Variants in RBBP4 observed in about 807,000 individuals in gnomAD.
RBBP4 encodes histone-binding protein RBBP4.
Under a neutral mutation model 57.2 loss-of-function variants are expected in RBBP4, and 3 were observed. The ratio of observed to expected loss-of-function variants is 0.05; its 90% CI spans 0.02 to 0.14. The LOEUF (loss-of-function observed/expected upper bound fraction) is 0.14. Ranked by LOEUF, RBBP4 falls within the 10% of genes least tolerant of loss-of-function variation. The pLI is 1.00. For synonymous variants in RBBP4, 151 were observed against 171.5 expected (o/e 0.88, Z 0.93); for missense variants, 107 against 520.6 (o/e 0.21, Z 7.73).
rs1649774857 is a variant in RBBP4 at position 32,685,678 on chromosome 1, C to G, written c.*5973C>G. 6.6e-6 allele frequency: 1 copy of G among 152,192 alleles called. No individual in the cohort carries two copies. Among genetic ancestry groups the G allele is most frequent in the South Asian group, 2.1e-4 (1 of 4,832 alleles). The allele number at this position is 152,192 out of a possible 1,614,324, so 9.4% of individuals were successfully genotyped here. The stretch of plus-strand genomic sequence containing the variant: ...AGAGTGTGTCATCTGAAGAGGGAAG[C>G]ATCTGCATACTGCTGTCCTGATTGC... On this transcript the variant is annotated 3_prime_UTR_variant, in exon 12 of 12. Transcript: ENST00000373493.
chr1:32,652,148 C>A, intron 2 of RBBP4, 87 bp downstream of exon 2: 1 of 1,440,018 alleles, frequency 6.9e-7, no homozygotes, highest in Non-Finnish European at 9.4e-7. Flanking sequence ...CTTCAGTCAC[C>A]CGGAGAAGGC....
chr1:32,676,752 T>A (rs545143371), intron 11 of RBBP4, among the ~76,000 whole-genome samples: 1 of 152,178 alleles, frequency 6.6e-6, no homozygotes, highest in South Asian at 2.1e-4. Flanking sequence ...TTCACCTCAC[T>A]CTCTTTGTAA....
Position 32,672,567 on chromosome 1 carries a change from CTTTA to C in RBBP4, c.1043+46_1043+49del, listed in dbSNP as rs757196564. The C allele has an allele frequency of 5.3e-5, 84 of 1,595,666 alleles. No individual in the cohort carries two copies. In the Middle Eastern group the frequency reaches 1.2e-3, roughly 22 times the overall value. ...ATTCCTCTCTCTACATAATTATTTCCTTTATTTACACTTTGCAAAGGTAGTTACT... is the reference window on the plus strand; with the variant it reads ...ATTCCTCTCTCTACATAATTATTTCCTTTACACTTTGCAAAGGTAGTTACT... On this transcript the variant is annotated intron_variant, in intron 9 of 11. Coordinates refer to ENST00000373493, the MANE Select transcript of RBBP4 (RefSeq NM_005610.3).
intron 9 of RBBP4, 57 bp from the exon 10 acceptor site, chr1:32,672,585 A>G: frequency 6.3e-7 from 1 of 1,599,856 alleles, no homozygotes; most frequent in African/African-American, 1.3e-5. Context: ...ACACTTTGCA[A>G]AGGTAGTTAC....
chr1:32,684,295 G>C lies in RBBP4; in HGVS notation c.*4590G>C. 6.2e-7 allele frequency: 1 copy of C among 1,614,186 alleles called. No homozygotes were observed. Among genetic ancestry groups the C allele is most frequent in the Non-Finnish European group, 8.5e-7 (1 of 1,180,040 alleles). The stretch of plus-strand genomic sequence containing the variant: ...AGCTCTTCAGCAAGACTGAGCCTTA[G>C]CTGTTCCATCTCTTTGTTCTTCTGT... On this transcript the variant is annotated 3_prime_UTR_variant, in exon 12 of 12. Coordinates refer to ENST00000373493, the MANE Select transcript of RBBP4 (RefSeq NM_005610.3).
At position 32,651,223 on chromosome 1, in the gene RBBP4, CG is replaced by C. The variant is rs1647555572; in HGVS notation, c.-83del. Reference sequence around the variant, plus strand: ...TGGGGGCGCAGGAAACAATAGAGGCCGCGCGCACAGAGCGAGCTCTTGCAGC... The same window carrying C: ...TGGGGGCGCAGGAAACAATAGAGGCCCGCGCACAGAGCGAGCTCTTGCAGC... On this transcript the variant is annotated 5_prime_UTR_variant, in exon 1 of 12. Transcript: ENST00000373493. The C allele has an allele frequency of 1.3e-6, 2 of 1,499,546 alleles. No homozygotes were observed. The highest frequency in any genetic ancestry group is 4.4e-5 in the Admixed American group (2 of 45,664). 92.9% of individuals were successfully genotyped at this position (1,499,546 alleles called of 1,614,324 possible).
At chr1:32,667,047 TAGC>T (rs1488039559) in intron 3 of RBBP4, among the ~76,000 whole-genome samples, 4 of 152,274 alleles carry the variant, frequency 2.6e-5, no homozygotes, top group African/African-American at 4.8e-5. Context: ...ACCCATTACT[TAGC>T]AGACTGTGAA....
In RBBP4 at chr1:32,681,999, C is replaced by T; in HGVS notation, c.*2294C>T. The T allele has an allele frequency of 1.4e-6, 1 of 712,010 alleles. No individual in the cohort carries two copies. Among genetic ancestry groups the T allele is most frequent in the South Asian group, 1.8e-5 (1 of 55,762 alleles). The allele number at this position is 712,010 out of a possible 1,614,324, so 44.1% of individuals were successfully genotyped here. On this transcript the variant is annotated 3_prime_UTR_variant, in exon 12 of 12. Transcript: ENST00000373493. ...TCCCCTAGCAAATATTTGGATGCCT[C>T]CTGTTTGTCAAATAGAATGAATGGT...
At chr1:32,660,918 T>A (rs1648376550) in intron 3 of RBBP4, among the ~76,000 whole-genome samples, 1 of 152,182 alleles carries the variant, frequency 6.6e-6, no homozygotes, top group African/African-American at 2.4e-5. Context: ...CAAGCAGTCC[T>A]CCTGCCTCAG....
chr1:32,651,845 G>T, intron 1 of RBBP4, 69 bp from the exon 2 acceptor site: 1 of 1,505,396 alleles, frequency 6.6e-7, no homozygotes, highest in Non-Finnish European at 9.1e-7. Flanking sequence ...GAGTCATGCA[G>T]GTGGCTTTGC....
At chr1:32,655,265 C>T (rs1648087419) in intron 2 of RBBP4, among the ~76,000 whole-genome samples, 1 of 152,168 alleles carries the variant, frequency 6.6e-6, no homozygotes, top group Non-Finnish European at 1.5e-5. Flanking sequence ...ACATGAGCCA[C>T]CGTGCCTGGC....
intron 3 of RBBP4, among the ~76,000 whole-genome samples, chr1:32,662,727 CTG>C (rs1335207134): frequency 6.6e-6 from 1 of 152,006 alleles, no homozygotes; most frequent in African/African-American, 2.4e-5. Context: ...TGGCTGGCGA[CTG>C]TAATTCCAGC....
At chr1:32,676,925 A>C (rs1415659156) in intron 11 of RBBP4, among the ~76,000 whole-genome samples, 1 of 152,186 alleles carries the variant, frequency 6.6e-6, no homozygotes, top group Non-Finnish European at 1.5e-5. Context: ...CCTGGGTGAC[A>C]GAGCGAGACC....
chr1:32,668,944 T>C (rs1344610112), intron 5 of RBBP4, 28 bp from the exon 6 acceptor site: 1 of 1,613,698 alleles, frequency 6.2e-7, no homozygotes, highest in African/African-American at 1.3e-5. Flanking sequence ...AATCTTCCTT[T>C]TATATAATGG....
intron 3 of RBBP4, among the ~76,000 whole-genome samples, chr1:32,663,288 T>G (rs962830870): frequency 2.0e-5 from 3 of 152,194 alleles, no homozygotes; most frequent in Non-Finnish European, 4.4e-5. Context: ...TACTATATCA[T>G]GTTATACCTC....
Position 32,657,550 on chromosome 1 carries a change from A to G in RBBP4, c.288A>G (p.Ser96=). 1 of 1,614,030 alleles carries G rather than the reference A, an allele frequency of 6.2e-7. No homozygotes were observed. Among genetic ancestry groups the G allele is most frequent in the Non-Finnish European group, 8.5e-7 (1 of 1,179,976 alleles). The change falls in exon 3 of 12, where the codon TCA becomes TCG. Residue 96 remains serine (S), a synonymous_variant. Coordinates refer to ENST00000373493, the MANE Select transcript of RBBP4 (RefSeq NM_005610.3). ...ATGATGATGCTCAGTTTGATGCGTC[A>G]CACTACGACAGTGAGAAAGGAGGTA... ...LPNDDAQFDA[S]HYDSEKGEFG... is the part of the protein sequence containing the mutation.
chr1:32,666,705 C>G (rs1361392874), intron 3 of RBBP4, among the ~76,000 whole-genome samples: 1 of 151,994 alleles, frequency 6.6e-6, no homozygotes, highest in East Asian at 1.9e-4. Flanking sequence ...GAAGGATTAC[C>G]CAGGTGCCGA....
At chr1:32,661,646 C>G (rs1046043398) in intron 3 of RBBP4, among the ~76,000 whole-genome samples, 4 of 151,924 alleles carry the variant, frequency 2.6e-5, no homozygotes, top group Non-Finnish European at 5.9e-5. Context: ...AGTTGTTGAA[C>G]TAATTTGCAT....
At chr1:32,674,944 G>C (rs1387758781) in intron 11 of RBBP4, among the ~76,000 whole-genome samples, 1 of 151,662 alleles carries the variant, frequency 6.6e-6, no homozygotes, top group Non-Finnish European at 1.5e-5. Flanking sequence ...TCACCATGTT[G>C]GTCAGGGTGG....
Sources: gnomAD v4.1 joint callset for allele counts (sites outside exome capture counted in the v4.1 genomes callset) on GRCh38, gnomAD v4.1.1 for gene constraint, MANE v1.5 for transcripts, NCBI Gene and HGNC (gene_info 2026-07-23, HGNC 2026-07-21) for gene names.